The following CRYBG3 variants were observed in gnomAD, a reference collection of about 807,000 sequenced individuals.
The protein encoded by CRYBG3 is crystallin beta-gamma domain containing 3, also known as very large A-kinase anchor protein.
Under a neutral mutation model 244.2 loss-of-function variants are expected in CRYBG3, and 127 were observed. That is an observed-to-expected ratio of 0.52 (90% CI 0.45 to 0.60). The LOEUF is 0.60. CRYBG3 is among the 20% of genes least tolerant of loss of function. CRYBG3 has a pLI of 0.00. For missense variants in CRYBG3, 3,325 were observed against 3,442.5 expected (o/e 0.97, Z 0.85); for synonymous variants, 1,132 against 1,195.8 (o/e 0.95, Z 1.10).
chr3:97,929,055 T>G (rs2040069824), intron 17 of CRYBG3, among the ~76,000 whole-genome samples: 1 of 152,018 alleles, frequency 6.6e-6, no homozygotes, highest in South Asian at 2.1e-4. Context: ...GTATTGAAAT[T>G]TTCATTTATA....
In CRYBG3 at chr3:97,869,624, G is replaced by A. The variant is rs576864007; in HGVS notation, c.648-2218G>A. Among the ~76,000 whole-genome samples, 10 of 152,164 alleles carry A rather than the reference G, an allele frequency of 6.6e-5. No homozygotes were observed. The South Asian group carries it at 2.1e-3, about 32-fold the overall frequency. On this transcript the variant is annotated intron_variant, in intron 3 of 21. Coordinates refer to ENST00000389622, the MANE Select transcript of CRYBG3 (RefSeq NM_153605.4). ...GGAAAGACCCAAATGTCAAATAATG[G>A]TATCTTATCCAAGTTTTGACTTTGT...
chr3:97,873,316 C>T lies in CRYBG3; in HGVS notation c.2122C>T (p.His708Tyr), dbSNP rs775300925. The T allele has an allele frequency of 6.5e-7, 1 of 1,535,740 alleles. No individual in the cohort carries two copies. Among genetic ancestry groups the T allele is most frequent in the Non-Finnish European group, 8.7e-7 (1 of 1,146,770 alleles). Residue 708 changes from histidine to tyrosine, a missense_variant, in exon 4 of 22, where the codon CAT becomes TAT. His to Tyr is a moderately conservative substitution (Grantham distance 83, BLOSUM62 2). Coordinates refer to ENST00000389622, the MANE Select transcript of CRYBG3 (RefSeq NM_153605.4). The stretch of plus-strand genomic sequence containing the variant: ...GTGTAAAGAAGAAAATGTGAAAAAC[C>T]ATGTTGAGGCTGCAGGCAGGAAGAG... Reference protein sequence around the residue: ...RKCKEENVKNHVEAAGRKSPP... With the variant: ...RKCKEENVKNYVEAAGRKSPP...
chr3:97,849,497 T>A (rs968349981), intron 2 of CRYBG3, among the ~76,000 whole-genome samples: 2 of 152,178 alleles, frequency 1.3e-5, no homozygotes, highest in African/African-American at 4.8e-5. Context: ...TGTGTGTTAC[T>A]GTGCTGTCCA....
At chr3:97,882,205 C>CTAA (rs5851083) in intron 7 of CRYBG3, among the ~76,000 whole-genome samples, 42 of 149,526 alleles carry the variant, frequency 2.8e-4, no homozygotes, top group East Asian at 5.9e-4. Context: ...AAGACTCTGT[C>CTAA]TAATAATAAT....
chr3:97,938,991 G>T (rs142725765), intron 19 of CRYBG3, among the ~76,000 whole-genome samples: 7 of 152,014 alleles, frequency 4.6e-5, no homozygotes, highest in African/African-American at 1.7e-4. Context: ...GTAGAGATAG[G>T]AATTCAGTTT....
intron 2 of CRYBG3, 27 bp downstream of exon 2, chr3:97,843,288 A>G: frequency 2.8e-6 from 3 of 1,072,258 alleles, no homozygotes; most frequent in East Asian, 2.6e-5. Flanking sequence ...ATATTATTTT[A>G]TATCAAGCAA....
chr3:97,876,559 C>T lies in CRYBG3; in HGVS notation c.5365C>T (p.Arg1789Ter), dbSNP rs533994054. The T allele has an allele frequency of 1.1e-5, 14 of 1,232,092 alleles. No homozygotes were observed. Among genetic ancestry groups the T allele is most frequent in the African/African-American group, 1.6e-5 (1 of 64,486 alleles). The allele number at this position is 1,232,092 out of a possible 1,614,324, so 76.3% of individuals were successfully genotyped here. ...GSVLKMEATYRKTAEEVIKNT... is the reference protein window; with the variant it reads ...GSVLKMEATY ...TGTGTTGAAAATGGAAGCTACTTAC[C>T]GAAAGACTGCTGAAGAGGTCATTAA... Residue 1789 changes from arginine (R) to a stop codon, truncating the protein, a stop_gained, in exon 4 of 22, where the codon CGA (arginine) becomes TGA (stop). Coordinates refer to ENST00000389622, the MANE Select transcript of CRYBG3 (RefSeq NM_153605.4). LOFTEE classifies it high-confidence loss of function.
At chr3:97,870,164 G>A (rs1424680418) in intron 3 of CRYBG3, among the ~76,000 whole-genome samples, 1 of 152,064 alleles carries the variant, frequency 6.6e-6, no homozygotes, top group African/African-American at 2.4e-5. Context: ...TTTTAGAGTT[G>A]GGGTGCATAT....
rs558161577 is a variant in CRYBG3, at chr3:97,875,135, A to G, written c.3941A>G (p.Tyr1314Cys). The G allele has an allele frequency of 7.6e-5, 117 of 1,535,116 alleles. No homozygotes were observed. Among genetic ancestry groups the G allele is most frequent in the Non-Finnish European group, 9.9e-5 (113 of 1,146,288 alleles). The change falls in exon 4 of 22, where the codon TAT becomes TGT. Residue 1314 changes from tyrosine (Y) to cysteine (C), a missense_variant. By Grantham distance (194) the Tyr-to-Cys change is radical. Around this residue, in one of 4 missense-constraint regions of CRYBG3, gnomAD observed 635 missense variants for 771.7 expected, o/e 0.82. Transcript: ENST00000389622. ...KARELVNEII[Y>C]VAQEKLRNDT... ...AGGGAATTAGTCAATGAGATTATTT[A>G]TGTAGCCCAAGAAAAATTGAGAAAT...
At position 97,871,879 on chromosome 3, in the gene CRYBG3, T is replaced by C; in HGVS notation, c.685T>C (p.Tyr229His). The C allele has an allele frequency of 1.3e-6, 2 of 1,525,928 alleles. No individual in the cohort carries two copies. The highest frequency in any genetic ancestry group is 1.7e-6 in the Non-Finnish European group (2 of 1,143,858). The allele number at this position is 1,525,928 out of a possible 1,614,324, so 94.5% of individuals were successfully genotyped here. A position where few individuals can be genotyped will look rare whatever the true frequency, so the allele number is the denominator to read the frequency against. Residue 229 changes from tyrosine (Y) to histidine (H), a missense_variant, in exon 4 of 22, where the codon TAT becomes CAT. Physicochemically the swap from Tyr to His is moderately conservative, Grantham distance 83. Around this residue, in one of 4 missense-constraint regions of CRYBG3, gnomAD observed 1,526 missense variants for 1,443.2 expected, o/e 1.06. Transcript: ENST00000389622. ...TAAACCAGAGAAGCCTTCAGTAACA[T>C]ATGCAACATATCGAGGCCCAAGACA... ...DGKPEKPSVTYATYRGPRHIG... is the reference protein window; with the variant it reads ...DGKPEKPSVTHATYRGPRHIG...
At chr3:97,862,357 G>A (rs578112039) in intron 2 of CRYBG3, among the ~76,000 whole-genome samples, 161 of 152,038 alleles carry the variant, frequency 1.1e-3, no homozygotes, top group Non-Finnish European at 6.6e-4. Flanking sequence ...AATTTTTAAA[G>A]CATTTTAAGG....
rs752989086 is a variant in CRYBG3 at position 97,874,132 on chromosome 3, T to G, written c.2938T>G (p.Ser980Ala). The G allele has an allele frequency of 4.6e-6, 7 of 1,534,274 alleles. No homozygotes were observed. The highest frequency in any genetic ancestry group is 1.7e-4 in the Middle Eastern group (1 of 6,002). ...SLDICGTKKI[S>A]GHSEMAELSL... is the part of the protein sequence containing the mutation. The stretch of plus-strand genomic sequence containing the variant: ...GGATATTTGTGGGACTAAAAAGATT[T>G]CTGGTCACTCAGAAATGGCGGAACT... The change falls in exon 4 of 22, where the codon TCT becomes GCT. Residue 980 changes from serine to alanine, a missense_variant. By Grantham distance (99) the Ser-to-Ala change is moderately conservative (BLOSUM62 1). Around this residue, in one of 4 missense-constraint regions of CRYBG3, gnomAD observed 1,526 missense variants for 1,443.2 expected, o/e 1.06. Coordinates refer to ENST00000389622, the MANE Select transcript of CRYBG3 (RefSeq NM_153605.4).
chr3:97,918,838 G>A (rs1682777303), intron 17 of CRYBG3, among the ~76,000 whole-genome samples: 2 of 152,124 alleles, frequency 1.3e-5, no homozygotes, highest in Non-Finnish European at 2.9e-5. Context: ...GAAAGAGGGA[G>A]CAAGGTCACA....
At chr3:97,839,370 A>G (rs901245170) in intron 1 of CRYBG3, among the ~76,000 whole-genome samples, 1 of 152,098 alleles carries the variant, frequency 6.6e-6, no homozygotes, top group African/African-American at 2.4e-5. Flanking sequence ...TTTTGAGTAT[A>G]TGTAGCTACT....
chr3:97,839,347 G>C (rs1200121308), intron 1 of CRYBG3, among the ~76,000 whole-genome samples: 2 of 152,010 alleles, frequency 1.3e-5, no homozygotes, highest in Admixed American at 1.3e-4. Context: ...GCAAACATCT[G>C]AGTATTCACT....
chr3:97,890,224 T>A (rs1160733946), intron 10 of CRYBG3, among the ~76,000 whole-genome samples: 1 of 152,212 alleles, frequency 6.6e-6, no homozygotes, highest in East Asian at 1.9e-4. Flanking sequence ...TTGGAGTTTT[T>A]AAAAATGCTT....
intron 2 of CRYBG3, among the ~76,000 whole-genome samples, chr3:97,847,608 T>C (rs1559717296): frequency 6.6e-6 from 1 of 152,206 alleles, no homozygotes. Context: ...TTTCCAGAAA[T>C]GAACCATGAG....
At position 97,874,959 on chromosome 3, in the gene CRYBG3, A is replaced by C; in HGVS notation, c.3765A>C (p.Glu1255Asp). 1 of 1,535,992 alleles carries C rather than the reference A, an allele frequency of 6.5e-7. No homozygotes were observed. The highest frequency in any genetic ancestry group is 8.7e-7 in the Non-Finnish European group (1 of 1,146,842). The change falls in exon 4 of 22, where the codon GAA becomes GAC. Residue 1255 changes from glutamate to aspartate, a missense_variant. By Grantham distance (45) the Glu-to-Asp change is conservative (BLOSUM62 2). This residue lies in a region of CRYBG3 where 635 missense variants were observed against 771.7 expected (regional missense o/e 0.82). Transcript: ENST00000389622. ...ACCCATCAGAAGTGACACTAACAGA[A>C]ATACAACAGACAGAGGGTTTGGAAG... ...EKNPSEVTLT[E>D]IQQTEGLEEQ...
chr3:97,876,887 A>C lies in CRYBG3; in HGVS notation c.5693A>C (p.Glu1898Ala). The C allele has an allele frequency of 7.0e-6, 10 of 1,420,908 alleles. No individual in the cohort carries two copies. The highest frequency in any genetic ancestry group is 9.2e-6 in the Non-Finnish European group (10 of 1,087,496). The allele number at this position is 1,420,908 out of a possible 1,614,324, so 88.0% of individuals were successfully genotyped here. Residue 1898 changes from glutamate to alanine, a missense_variant, in exon 4 of 22, where the codon GAG becomes GCG. This residue lies in a region of CRYBG3 where 635 missense variants were observed against 771.7 expected (regional missense o/e 0.82). Coordinates refer to ENST00000389622, the MANE Select transcript of CRYBG3 (RefSeq NM_153605.4). ...LPAFESKTPQ[E>A]YAEGSVEETK... ...GCATTTGAAAGTAAAACACCACAAGAGTATGCTGAAGGGAGTGTTGAAGAA... is the reference window on the plus strand; with the variant it reads ...GCATTTGAAAGTAAAACACCACAAGCGTATGCTGAAGGGAGTGTTGAAGAA...
Sources: gnomAD v4.1 joint callset for allele counts (sites outside exome capture counted in the v4.1 genomes callset) on GRCh38, gnomAD v4.1.1 for gene constraint, gnomAD v4.1.1 regional missense constraint, MANE v1.5 for transcripts, NCBI Gene and HGNC (gene_info 2026-07-23, HGNC 2026-07-21) for gene names.